The following GRIK1 variants were observed in gnomAD, a reference collection of about 807,000 sequenced individuals.
GRIK1 encodes glutamate ionotropic receptor kainate type subunit 1, also known as glutamate receptor ionotropic, kainate 1.
In GRIK1, 69 loss-of-function variants were observed where a neutral mutation model predicts 105.7. That is an observed-to-expected ratio of 0.65 (90% CI 0.54 to 0.80). The LOEUF (loss-of-function observed/expected upper bound fraction) is 0.80. Among genes scored for constraint, GRIK1 ranks in the 30% least tolerant of loss-of-function variants. GRIK1 has a pLI of 0.00. For synonymous variants in GRIK1, 438 were observed against 431.3 expected, an observed-to-expected ratio of 1.02 and a Z score of -0.19; for missense variants, 1,109 against 1,167.3, an observed-to-expected ratio of 0.95 and a Z score of 0.73.
chr21:29,547,157 T>G (rs41341044), intron 16 of GRIK1, among the ~76,000 whole-genome samples: 14,940 of 152,262 alleles, frequency 0.098, 1,119 homozygotes, highest in African/African-American at 0.2. Flanking sequence ...TCAAGAACAA[T>G]TCTACTTCTG....
chr21:29,584,910 A>G (rs1419259705), intron 12 of GRIK1, among the ~76,000 whole-genome samples: 2 of 152,178 alleles, frequency 1.3e-5, no homozygotes, highest in African/African-American at 4.8e-5. Context: ...GTCTAAATAT[A>G]TATTTAGTGG....
At chr21:29,897,677 C>T (rs1028277763) in intron 1 of GRIK1, among the ~76,000 whole-genome samples, 2 of 152,160 alleles carry the variant, frequency 1.3e-5, no homozygotes, top group South Asian at 2.1e-4. Flanking sequence ...ATTAATGTGA[C>T]ATCTTAAAAG....
intron 1 of GRIK1, among the ~76,000 whole-genome samples, chr21:29,709,941 A>G (rs1051746549): frequency 2.6e-5 from 4 of 151,980 alleles, no homozygotes; most frequent in African/African-American, 9.6e-5. Context: ...AGAGTAAGAA[A>G]ATGAGAATGG....
intron 1 of GRIK1, among the ~76,000 whole-genome samples, chr21:29,789,238 G>T (rs1404783764): frequency 6.6e-6 from 1 of 152,154 alleles, no homozygotes; most frequent in Non-Finnish European, 1.5e-5. Context: ...CTAGGGCAAG[G>T]CCAGATGCAG....
chr21:29,778,495 A>G (rs1484277800), intron 1 of GRIK1, among the ~76,000 whole-genome samples: 8 of 152,170 alleles, frequency 5.3e-5, no homozygotes, highest in Non-Finnish European at 5.9e-5. Context: ...AAGATGTTTG[A>G]TGGACAGGAC....
chr21:29,907,614 T>C (rs1462329922), intron 1 of GRIK1, among the ~76,000 whole-genome samples: 1 of 152,110 alleles, frequency 6.6e-6, no homozygotes, highest in Non-Finnish European at 1.5e-5. Flanking sequence ...TTTCTAGTTT[T>C]TAAAATTTAT....
intron 1 of GRIK1, among the ~76,000 whole-genome samples, chr21:29,882,127 C>T (rs1301760248): frequency 6.6e-6 from 1 of 151,754 alleles, no homozygotes; most frequent in African/African-American, 2.4e-5. Context: ...ATAATGACAT[C>T]AAAAAAAGGC....
chr21:29,852,646 G>A (rs2068343702), intron 1 of GRIK1, among the ~76,000 whole-genome samples: 1 of 152,268 alleles, frequency 6.6e-6, no homozygotes, highest in East Asian at 1.9e-4. Context: ...AAATATGCAA[G>A]TCATTTAGGA....
intron 10 of GRIK1, among the ~76,000 whole-genome samples, chr21:29,589,285 C>T (rs73348578): frequency 0.064 from 9,694 of 151,928 alleles, 426 homozygotes; most frequent in African/African-American, 0.12. Context: ...TGGGGCTGTG[C>T]GGGAATGGTG....
chr21:29,750,534 C>A (rs760695110), intron 1 of GRIK1, among the ~76,000 whole-genome samples: 7 of 152,114 alleles, frequency 4.6e-5, no homozygotes, highest in African/African-American at 9.7e-5. Context: ...GGTGTATAGA[C>A]AAAATGTGGC....
rs181151091 is a variant in GRIK1 at position 29,911,817 on chromosome 21, T to C, written c.118+27566A>G. Among the ~76,000 whole-genome samples, 5 of 152,226 alleles carry C rather than the reference T, an allele frequency of 3.3e-5. No homozygotes were observed. The East Asian group carries it at 9.7e-4, about 29-fold the overall frequency. On this transcript the variant is annotated intron_variant, in intron 1 of 17. Coordinates refer to ENST00000327783, the MANE Select transcript of GRIK1 (RefSeq NM_001330994.2). Reference sequence around the variant, plus strand: ...CAGACACCAGTTTCTGCCTGAGCCTTGATCTTGGACTTCCCAGCCTCTAGA... The same window carrying C: ...CAGACACCAGTTTCTGCCTGAGCCTCGATCTTGGACTTCCCAGCCTCTAGA...
At chr21:29,678,098 C>A (rs1157633157) in intron 3 of GRIK1, among the ~76,000 whole-genome samples, 1 of 152,036 alleles carries the variant, frequency 6.6e-6, no homozygotes, top group African/African-American at 2.4e-5. Context: ...CCACTGGGAC[C>A]CAAAGATCAG....
intron 1 of GRIK1, among the ~76,000 whole-genome samples, chr21:29,787,480 A>G (rs1480165345): frequency 1.3e-5 from 2 of 152,172 alleles, no homozygotes; most frequent in Non-Finnish European, 2.9e-5. Context: ...TGTTTATTTA[A>G]TTGATTCTCT....
At chr21:29,811,659 A>C (rs2067012031) in intron 1 of GRIK1, among the ~76,000 whole-genome samples, 1 of 152,106 alleles carries the variant, frequency 6.6e-6, no homozygotes, top group East Asian at 1.9e-4. Context: ...CCAGTGCTGA[A>C]CTGTTCATAA....
At chr21:29,659,534 A>G (rs1236091973) in intron 4 of GRIK1, among the ~76,000 whole-genome samples, 2 of 152,190 alleles carry the variant, frequency 1.3e-5, no homozygotes, top group Non-Finnish European at 2.9e-5. Flanking sequence ...TCTTGTACCT[A>G]TTGTAAATGC....
intron 3 of GRIK1, among the ~76,000 whole-genome samples, chr21:29,676,572 T>A (rs1280814513): frequency 6.6e-6 from 1 of 152,210 alleles, no homozygotes; most frequent in African/African-American, 2.4e-5. Flanking sequence ...GCTTTGCTAA[T>A]CCTCTCTCGT....
At chr21:29,564,429 G>A (rs8128154) in intron 14 of GRIK1, among the ~76,000 whole-genome samples, 5,691 of 152,298 alleles carry the variant, frequency 0.037, 343 homozygotes, top group African/African-American at 0.13. Flanking sequence ...TTACAGGCGT[G>A]AGCCACCGCG....
chr21:29,728,269 T>C (rs2064520908), intron 1 of GRIK1, among the ~76,000 whole-genome samples: 1 of 152,194 alleles, frequency 6.6e-6, no homozygotes, highest in African/African-American at 2.4e-5. Context: ...TCTCTGGTGG[T>C]GATTGGCTAC....
intron 1 of GRIK1, among the ~76,000 whole-genome samples, chr21:29,706,439 T>C (rs534813963): frequency 6.4e-4 from 97 of 152,346 alleles, no homozygotes; most frequent in African/African-American, 2.1e-3. Context: ...GTATTTACTA[T>C]TGTTCATAAG....
Sources: gnomAD v4.1 joint callset for allele counts (sites outside exome capture counted in the v4.1 genomes callset) on GRCh38, gnomAD v4.1.1 for gene constraint, MANE v1.5 for transcripts, NCBI Gene and HGNC (gene_info 2026-07-23, HGNC 2026-07-21) for gene names.